CNTN5: variants seen among roughly 807,000 people sequenced by gnomAD.
The protein encoded by CNTN5 is contactin 5.
In CNTN5, 77 loss-of-function variants were observed where a neutral mutation model predicts 129.1. The ratio of observed to expected loss-of-function variants is 0.60; its 90% confidence interval spans 0.50 to 0.72. CNTN5 has a LOEUF of 0.72. Ranked by LOEUF, CNTN5 falls within the 30% of genes least tolerant of loss-of-function variation. The pLI, the probability that CNTN5 is intolerant of heterozygous loss-of-function variation, is 0.00. For missense variants in CNTN5, 1,478 were observed against 1,328.8 expected, an observed-to-expected ratio of 1.11 and a Z score of -1.75; for synonymous variants, 509 against 465.6, an observed-to-expected ratio of 1.09 and a Z score of -1.20.
At chr11:100,023,649 G>C (rs925369931) in intron 9 of CNTN5, among the ~76,000 whole-genome samples, 2 of 151,986 alleles carry the variant, frequency 1.3e-5, no homozygotes, top group African/African-American at 2.4e-5. Context: ...AAATCTTCTG[G>C]GTTCCATCTA....
At chr11:99,108,751 A>T (rs1857639718) in intron 1 of CNTN5, among the ~76,000 whole-genome samples, 1 of 152,056 alleles carries the variant, frequency 6.6e-6, no homozygotes, top group Admixed American at 6.6e-5. Context: ...TTTTATATAG[A>T]AAAGGAAAAA....
At position 99,681,037 on chromosome 11, in the gene CNTN5, A is replaced by C. The variant is rs74766592; in HGVS notation, c.55+124768A>C. 2.9e-4 allele frequency among the ~76,000 whole-genome samples: 44 copies of C among 152,100 alleles called. 2 individuals carry two copies. In the East Asian group the frequency reaches 8.4e-3, roughly 29 times the overall value. On this transcript the variant is annotated intron_variant, in intron 3 of 24. Transcript: ENST00000524871. Reference sequence around the variant, plus strand: ...AAGTAACTGAAGATGTAAAAATATCAAGAACTAGAATTAGAAGTGGAGTCT... The same window carrying C: ...AAGTAACTGAAGATGTAAAAATATCCAGAACTAGAATTAGAAGTGGAGTCT...
intron 3 of CNTN5, among the ~76,000 whole-genome samples, chr11:99,779,203 T>G (rs972042991): frequency 2.0e-5 from 3 of 151,904 alleles, no homozygotes; most frequent in Admixed American, 1.3e-4. Flanking sequence ...TTTGTAGAAA[T>G]TTTTCTCTAC....
At chr11:99,879,838 T>C (rs1948726565) in intron 6 of CNTN5, among the ~76,000 whole-genome samples, 1 of 152,216 alleles carries the variant, frequency 6.6e-6, no homozygotes, top group Admixed American at 6.5e-5. Context: ...GAAACTGGGA[T>C]TTGACTTTAG....
intron 3 of CNTN5, among the ~76,000 whole-genome samples, chr11:99,626,402 A>G (rs1439155205): frequency 6.6e-6 from 1 of 152,114 alleles, no homozygotes; most frequent in Non-Finnish European, 1.5e-5. Flanking sequence ...GGAAGTATTC[A>G]GAGTATTTAT....
intron 2 of CNTN5, among the ~76,000 whole-genome samples, chr11:99,335,035 G>A (rs1173494092): frequency 2.6e-5 from 4 of 152,178 alleles, no homozygotes; most frequent in African/African-American, 4.8e-5. Context: ...TCTGGAAGTC[G>A]TATTCACTGG....
At chr11:99,343,073 T>C (rs962733931) in intron 2 of CNTN5, among the ~76,000 whole-genome samples, 1 of 152,154 alleles carries the variant, frequency 6.6e-6, no homozygotes, top group Non-Finnish European at 1.5e-5. Context: ...GAATAGAGGA[T>C]GCTGCAGTGT....
chr11:99,420,501 G>A (rs1191014481), intron 2 of CNTN5, among the ~76,000 whole-genome samples: 2 of 152,106 alleles, frequency 1.3e-5, no homozygotes, highest in Admixed American at 6.5e-5. Context: ...AACCTCTAGT[G>A]TTGTCATAAA....
chr11:99,651,577 A>T (rs1439119679), intron 3 of CNTN5, among the ~76,000 whole-genome samples: 1 of 151,992 alleles, frequency 6.6e-6, no homozygotes, highest in Non-Finnish European at 1.5e-5. Flanking sequence ...TCCAAATTGT[A>T]AAATATTTTG....
At chr11:99,613,573 A>G (rs1392977543) in intron 3 of CNTN5, among the ~76,000 whole-genome samples, 1 of 152,218 alleles carries the variant, frequency 6.6e-6, no homozygotes, top group Non-Finnish European at 1.5e-5. Context: ...GGCAATAAAG[A>G]TAGCAGGGAT....
intron 6 of CNTN5, among the ~76,000 whole-genome samples, chr11:99,888,359 T>C (rs572187326): frequency 6.6e-6 from 1 of 152,336 alleles, no homozygotes; most frequent in South Asian, 2.1e-4. Flanking sequence ...AATGTTTTCA[T>C]TTTTCTTTGC....
chr11:100,194,824 C>G (rs1243877996), intron 15 of CNTN5, among the ~76,000 whole-genome samples: 1 of 150,674 alleles, frequency 6.6e-6, no homozygotes, highest in Non-Finnish European at 1.5e-5. Flanking sequence ...AAGATGAGCT[C>G]TCTTTGTTGC....
At chr11:99,944,151 T>G (rs1325066268) in intron 7 of CNTN5, among the ~76,000 whole-genome samples, 1 of 151,904 alleles carries the variant, frequency 6.6e-6, no homozygotes, top group East Asian at 1.9e-4. Context: ...TTTCATAATA[T>G]TCATCTCTGG....
At chr11:99,107,146 G>A (rs1174415971) in intron 1 of CNTN5, among the ~76,000 whole-genome samples, 2 of 151,956 alleles carry the variant, frequency 1.3e-5, no homozygotes, top group Non-Finnish European at 2.9e-5. Context: ...TTCATTATAT[G>A]TGCTAGGAAA....
At chr11:99,138,031 T>C (rs978941658) in intron 1 of CNTN5, among the ~76,000 whole-genome samples, 2 of 152,218 alleles carry the variant, frequency 1.3e-5, no homozygotes, top group African/African-American at 2.4e-5. Context: ...TAACAATTTT[T>C]CACTTTTGAG....
chr11:99,742,524 A>C (rs1379116142), intron 3 of CNTN5, among the ~76,000 whole-genome samples: 1 of 152,166 alleles, frequency 6.6e-6, no homozygotes, highest in Non-Finnish European at 1.5e-5. Context: ...GGTAAGAAGG[A>C]GGAAAAAACA....
rs866207133 is a variant in CNTN5 at position 99,868,232 on chromosome 11, C to A, written c.577+22970C>A. 2.6e-3 allele frequency among the ~76,000 whole-genome samples: 387 copies of A among 147,868 alleles called. 1 individual carries two copies. The highest frequency in any genetic ancestry group is 7.5e-3 in the African/African-American group (302 of 40,318). ...ACTCCATCTCATAAAAAAAAAAAAA[C>A]AAAAAATTGTATTCTACATAAAACA... is the stretch of plus-strand genomic sequence containing the variant. On this transcript the variant is annotated intron_variant, in intron 6 of 24. Coordinates refer to ENST00000524871, the MANE Select transcript of CNTN5 (RefSeq NM_014361.4).
intron 9 of CNTN5, among the ~76,000 whole-genome samples, chr11:100,007,228 A>G (rs1013968813): frequency 1.3e-5 from 2 of 152,066 alleles, no homozygotes; most frequent in Admixed American, 6.6e-5. Flanking sequence ...TAAGGGCCCT[A>G]TGATTTTCAA....
chr11:100,247,040 C>T (rs148414219), intron 16 of CNTN5, among the ~76,000 whole-genome samples: 3 of 152,258 alleles, frequency 2.0e-5, no homozygotes, highest in Non-Finnish European at 4.4e-5. Flanking sequence ...GTGATTTCAA[C>T]TACTGTATGA....
Sources: gnomAD v4.1 joint callset for allele counts (sites outside exome capture counted in the v4.1 genomes callset) on GRCh38, gnomAD v4.1.1 for gene constraint, MANE v1.5 for transcripts, NCBI Gene and HGNC (gene_info 2026-07-23, HGNC 2026-07-21) for gene names.